CNTN6: variants seen among roughly 807,000 people sequenced by gnomAD.
CNTN6 encodes the protein contactin-6.
Under a neutral mutation model 122.8 loss-of-function variants are expected in CNTN6, and 137 were observed. That is an observed-to-expected ratio of 1.12 (90% CI 0.97 to 1.29). CNTN6 has a LOEUF of 1.29. Ranked by LOEUF, CNTN6 falls within the 50% of genes most tolerant of loss-of-function variation. The pLI, the probability that CNTN6 is intolerant of heterozygous loss-of-function variation, is 0.00. For synonymous variants in CNTN6, 570 were observed against 426.0 expected, an observed-to-expected ratio of 1.34 and a Z score of -4.16; for missense variants, 1,634 against 1,223.4, an observed-to-expected ratio of 1.34 and a Z score of -5.01.
intron 4 of CNTN6, among the ~76,000 whole-genome samples, chr3:1,248,561 T>G (rs1215257136): frequency 6.6e-6 from 1 of 152,216 alleles, no homozygotes; most frequent in Non-Finnish European, 1.5e-5. Flanking sequence ...AAGTTGGGCC[T>G]GTAATCTCAG....
intron 2 of CNTN6, among the ~76,000 whole-genome samples, chr3:1,202,899 G>A (rs964254667): frequency 7.2e-5 from 11 of 152,080 alleles, no homozygotes; most frequent in South Asian, 2.1e-4. Context: ...AATGAAGCAC[G>A]GGCTGCTATT....
At chr3:1,256,353 G>A (rs997966619) in intron 4 of CNTN6, among the ~76,000 whole-genome samples, 2 of 152,064 alleles carry the variant, frequency 1.3e-5, no homozygotes, top group Non-Finnish European at 2.9e-5. Context: ...GAGAAATTTT[G>A]GATGTTAAAC....
intron 20 of CNTN6, among the ~76,000 whole-genome samples, chr3:1,386,234 C>CACACCTTAAT (rs1401533838): frequency 4.0e-5 from 6 of 151,772 alleles, no homozygotes; most frequent in African/African-American, 1.2e-4. Context: ...GTGTCCAGTA[C>CACACCTTAAT]ACACCTTAAT....
chr3:1,317,371 T>A (rs953933708), intron 7 of CNTN6, among the ~76,000 whole-genome samples: 11 of 151,746 alleles, frequency 7.2e-5, no homozygotes, highest in Non-Finnish European at 1.0e-4. Flanking sequence ...GCATTCAGAA[T>A]CTATTTGTCA....
At chr3:1,198,816 A>T (rs1270650764) in intron 2 of CNTN6, among the ~76,000 whole-genome samples, 1 of 152,204 alleles carries the variant, frequency 6.6e-6, no homozygotes, top group Non-Finnish European at 1.5e-5. Flanking sequence ...ACCCACTCAG[A>T]AACTAAGAGT....
At chr3:1,325,720 C>A in intron 8 of CNTN6, 95 bp from the exon 9 acceptor site, 1 of 1,337,448 alleles carries the variant, frequency 7.5e-7, no homozygotes, top group Non-Finnish European at 1.0e-6. Flanking sequence ...ACCCAGTTAG[C>A]CTTGTCCTTC....
intron 17 of CNTN6, among the ~76,000 whole-genome samples, chr3:1,377,586 G>T (rs988035000): frequency 2.0e-5 from 3 of 152,104 alleles, no homozygotes; most frequent in Non-Finnish European, 2.9e-5. Context: ...AAAAATTTCA[G>T]TCTGGTGTGT....
chr3:1,153,730 C>T (rs143125410), intron 2 of CNTN6, among the ~76,000 whole-genome samples: 1 of 152,146 alleles, frequency 6.6e-6, no homozygotes, highest in Non-Finnish European at 1.5e-5. Context: ...AGAGGCAGAG[C>T]AAACGAACTA....
At chr3:1,093,850 C>A (rs2090372748) in intron 1 of CNTN6, among the ~76,000 whole-genome samples, 1 of 152,064 alleles carries the variant, frequency 6.6e-6, no homozygotes. Flanking sequence ...CACGTATAAC[C>A]CATTATGTTA....
intron 2 of CNTN6, among the ~76,000 whole-genome samples, chr3:1,156,629 TTCTC>T (rs546059521): frequency 1.3e-5 from 2 of 150,970 alleles, no homozygotes; most frequent in African/African-American, 2.5e-5. Context: ...CTTTCTTTCT[TTCTC>T]TTTCTTTCTT....
chr3:1,191,395 A>G (rs1037704666), intron 2 of CNTN6, among the ~76,000 whole-genome samples: 2 of 152,098 alleles, frequency 1.3e-5, no homozygotes, highest in African/African-American at 2.4e-5. Context: ...AATAATGTCT[A>G]TGTGATGAAG....
At chr3:1,154,446 T>TC (rs2092916714) in intron 2 of CNTN6, among the ~76,000 whole-genome samples, 1 of 149,596 alleles carries the variant, frequency 6.7e-6, no homozygotes, top group African/African-American at 2.5e-5. Flanking sequence ...TTTCTTTTCT[T>TC]TCTTTTTTTT....
At chr3:1,259,368 A>C (rs2094808468) in intron 4 of CNTN6, among the ~76,000 whole-genome samples, 1 of 152,172 alleles carries the variant, frequency 6.6e-6, no homozygotes, top group Non-Finnish European at 1.5e-5. Flanking sequence ...ATTAATTAAT[A>C]GAAATGCAAA....
In CNTN6 at chr3:1,363,886, A is replaced by C. The variant is rs1707828177; in HGVS notation, c.1493-8413A>C. Among the ~76,000 whole-genome samples the C allele has an allele frequency of 3.3e-5, 5 of 151,962 alleles. 1 individual carries two copies. In the South Asian group the frequency reaches 1.0e-3, roughly 31 times the overall value. ...ATAAATATTCCCACCAACAGTATGT[A>C]AGAGCTCCCTTTTTCCACACCCTAG... On this transcript the variant is annotated intron_variant, in intron 12 of 22. Transcript: ENST00000446702.
At chr3:1,246,491 T>A (rs1241024266) in intron 4 of CNTN6, among the ~76,000 whole-genome samples, 1 of 152,184 alleles carries the variant, frequency 6.6e-6, no homozygotes, top group African/African-American at 2.4e-5. Context: ...CTTCTATGAT[T>A]ATTCTTGCAC....
At chr3:1,115,102 G>A (rs2091659101) in intron 1 of CNTN6, among the ~76,000 whole-genome samples, 1 of 152,136 alleles carries the variant, frequency 6.6e-6, no homozygotes, top group Admixed American at 6.6e-5. Context: ...AGAAAGCTGG[G>A]AGTTTATATG....
At position 1,301,093 on chromosome 3, in the gene CNTN6, A is replaced by G. The variant is rs534386354; in HGVS notation, c.761+3102A>G. On this transcript the variant is annotated intron_variant, in intron 7 of 22. Transcript: ENST00000446702. ...ACTCTGTCGCCCAGGCTGGAGTGCA[A>G]TGGCACGATCTCGGCTCACTGCAAC... Among the ~76,000 whole-genome samples the G allele has an allele frequency of 1.7e-4, 24 of 138,176 alleles. No individual in the cohort carries two copies. In the South Asian group the frequency reaches 2.5e-3, roughly 14 times the overall value. 90.6% of individuals were successfully genotyped at this position (138,176 alleles called of 152,430 possible).
intron 12 of CNTN6, among the ~76,000 whole-genome samples, chr3:1,360,938 T>C (rs79646224): frequency 0.037 from 5,648 of 152,208 alleles, 138 homozygotes; most frequent in South Asian, 0.057. Context: ...TTCTTTCATT[T>C]AAACCCCATA....
At chr3:1,369,378 C>A (rs894582963) in intron 12 of CNTN6, among the ~76,000 whole-genome samples, 1 of 91,818 alleles carries the variant, frequency 1.1e-5, no homozygotes, top group Non-Finnish European at 2.0e-5. Flanking sequence ...TGACTTGCTG[C>A]GGGTTTTTTT....
Sources: allele counts gnomAD v4.1 joint callset (sites outside exome capture counted in the v4.1 genomes callset), GRCh38; gene constraint gnomAD v4.1.1; transcripts MANE v1.5; gene names NCBI Gene and HGNC (gene_info 2026-07-23, HGNC 2026-07-21).